The following SNTG1 variants were observed in gnomAD, a reference collection of about 807,000 sequenced individuals.
The protein encoded by SNTG1 is syntrophin gamma 1, also known as gamma-1-syntrophin.
In SNTG1, 39 loss-of-function variants were observed where a neutral mutation model predicts 74.7. The ratio of observed to expected loss-of-function variants is 0.52; its 90% CI spans 0.40 to 0.68. SNTG1 has a LOEUF of 0.68. Ranked by LOEUF, SNTG1 falls within the 30% of genes least tolerant of loss-of-function variation. The pLI is 0.00. For synonymous variants in SNTG1, 254 were observed against 217.1 expected (o/e 1.17, Z -1.49); for missense variants, 685 against 609.5 (o/e 1.12, Z -1.30).
At chr8:50,391,442 GC>G (rs2092658558) in intron 2 of SNTG1, among the ~76,000 whole-genome samples, 1 of 152,152 alleles carries the variant, frequency 6.6e-6, no homozygotes, top group Non-Finnish European at 1.5e-5. Context: ...TGGTGGATAA[GC>G]TTTTCGATGT....
At chr8:50,096,430 C>T (rs902755840) in intron 1 of SNTG1, among the ~76,000 whole-genome samples, 19 of 152,012 alleles carry the variant, frequency 1.2e-4, no homozygotes, top group Non-Finnish European at 2.4e-4. Flanking sequence ...GTGAAGGAGG[C>T]GATGGGGAAT....
At chr8:50,155,804 TA>T (rs1475573854) in intron 1 of SNTG1, among the ~76,000 whole-genome samples, 1 of 151,640 alleles carries the variant, frequency 6.6e-6, no homozygotes, top group Non-Finnish European at 1.5e-5. Context: ...AAACAAATAA[TA>T]AAGGTAACAG....
At chr8:50,556,571 A>AT (rs2094456642) in intron 12 of SNTG1, among the ~76,000 whole-genome samples, 2 of 152,206 alleles carry the variant, frequency 1.3e-5, no homozygotes, top group African/African-American at 4.8e-5. Flanking sequence ...AAAGTTATCA[A>AT]TTTTTATTTC....
At chr8:50,221,379 G>C (rs558706875) in intron 2 of SNTG1, among the ~76,000 whole-genome samples, 1 of 151,670 alleles carries the variant, frequency 6.6e-6, no homozygotes, top group African/African-American at 2.4e-5. Flanking sequence ...CACAAGGGAG[G>C]GTTCAACAAA....
chr8:50,083,417 C>T (rs1463003790), intron 1 of SNTG1, among the ~76,000 whole-genome samples: 1 of 151,954 alleles, frequency 6.6e-6, no homozygotes, highest in African/African-American at 2.4e-5. Flanking sequence ...AATTTTGCAC[C>T]CATAAATTAT....
At chr8:50,660,401 G>A (rs1254840081) in intron 15 of SNTG1, among the ~76,000 whole-genome samples, 1 of 29,462 alleles carries the variant, frequency 3.4e-5, no homozygotes, top group Non-Finnish European at 6.4e-5. Flanking sequence ...AAGAAAAAGA[G>A]AAAGAAAGAA....
intron 1 of SNTG1, among the ~76,000 whole-genome samples, chr8:50,032,996 T>C (rs1386541922): frequency 6.6e-6 from 1 of 152,094 alleles, no homozygotes; most frequent in Admixed American, 6.5e-5. Flanking sequence ...TTGGACCTCA[T>C]TTTCCTCTTT....
At chr8:50,753,446 G>A (rs12678416) in intron 18 of SNTG1, among the ~76,000 whole-genome samples, 14,613 of 151,870 alleles carry the variant, frequency 0.096, 2,072 homozygotes, top group African/African-American at 0.31. Context: ...TTCTGATGGG[G>A]AACCTCAACC....
chr8:50,333,494 C>A (rs188941851), intron 2 of SNTG1, among the ~76,000 whole-genome samples: 2 of 152,312 alleles, frequency 1.3e-5, no homozygotes, highest in East Asian at 3.9e-4. Context: ...TATAATACTT[C>A]AGCTTCTCCT....
Position 50,381,618 on chromosome 8 carries a change from T to TTA in SNTG1, c.-27-12582_-27-12581dup, listed in dbSNP as rs1331301961. ...TATATATATATATATCTCCTATTAGTTATATATATATATCCTATTAGTTAT... is the reference window on the plus strand; with the variant it reads ...TATATATATATATATCTCCTATTAGTTATATATATATATATCCTATTAGTTAT... On this transcript the variant is annotated intron_variant, in intron 2 of 18. Transcript: ENST00000642720. Among the ~76,000 whole-genome samples the TTA allele has an allele frequency of 5.9e-4, 78 of 132,332 alleles. 1 individual carries two copies. Among genetic ancestry groups the TTA allele is most frequent in the African/African-American group, 2.0e-3 (73 of 36,256 alleles). The allele number at this position is 132,332 out of a possible 152,430, so 86.8% of individuals were successfully genotyped here.
chr8:50,347,785 G>C (rs1314608560), intron 2 of SNTG1, among the ~76,000 whole-genome samples: 1 of 152,196 alleles, frequency 6.6e-6, no homozygotes, highest in Non-Finnish European at 1.5e-5. Context: ...ATGACGTTAT[G>C]AGTCTTTCAA....
chr8:50,158,005 G>A (rs2082304913), intron 1 of SNTG1, among the ~76,000 whole-genome samples: 1 of 152,070 alleles, frequency 6.6e-6, no homozygotes, highest in Non-Finnish European at 1.5e-5. Context: ...TATGTCAACT[G>A]TCCTGGCAAA....
chr8:50,784,545 T>C (rs2095669264), intron 18 of SNTG1, among the ~76,000 whole-genome samples: 1 of 152,044 alleles, frequency 6.6e-6, no homozygotes, highest in Non-Finnish European at 1.5e-5. Context: ...ATGGAACAAA[T>C]GAGGCGAAAT....
chr8:50,317,216 G>A (rs780418936), intron 2 of SNTG1, among the ~76,000 whole-genome samples: 3 of 152,118 alleles, frequency 2.0e-5, no homozygotes, highest in Non-Finnish European at 4.4e-5. Context: ...GTCTCTACTA[G>A]TATTAGCAAA....
intron 1 of SNTG1, among the ~76,000 whole-genome samples, chr8:50,026,108 T>G (rs1817241032): frequency 6.6e-6 from 1 of 152,218 alleles, no homozygotes; most frequent in South Asian, 2.1e-4. Context: ...TATAAAGATT[T>G]TCTTTGATCA....
rs555443699 is a variant in SNTG1 at position 50,737,959 on chromosome 8, A to T, written c.1285-14042A>T. Among the ~76,000 whole-genome samples, 334 of 152,286 alleles carry T rather than the reference A, an allele frequency of 2.2e-3. 2 individuals are homozygous for T. Among genetic ancestry groups the T allele is most frequent in the African/African-American group, 7.4e-3 (306 of 41,558 alleles). ...AAACCCACAGCCAATATCATACTGA[A>T]TGGGCAAAAGTGGGAAGCATTCCCT... is the stretch of plus-strand genomic sequence containing the variant. On this transcript the variant is annotated intron_variant, in intron 17 of 18. Coordinates refer to ENST00000642720, the MANE Select transcript of SNTG1 (RefSeq NM_018967.5).
intron 2 of SNTG1, among the ~76,000 whole-genome samples, chr8:50,350,290 G>T (rs1336677405): frequency 6.6e-6 from 1 of 152,128 alleles, no homozygotes; most frequent in African/African-American, 2.4e-5. Context: ...ACCACCCAAG[G>T]GCTGAGGAGT....
chr8:50,277,358 T>G (rs773975847), intron 2 of SNTG1, among the ~76,000 whole-genome samples: 18 of 152,142 alleles, frequency 1.2e-4, no homozygotes, highest in Non-Finnish European at 2.6e-4. Context: ...TAATTATGGT[T>G]TAATATTCTT....
rs1037817469 is a variant in SNTG1 at position 50,122,702 on chromosome 8, G to T, written c.-102-49859G>T. 7.1e-5 allele frequency among the ~76,000 whole-genome samples: 10 copies of T among 141,470 alleles called. 2 individuals carry two copies. The highest frequency in any genetic ancestry group is 1.4e-4 in the Non-Finnish European group (9 of 63,668). The allele number at this position is 141,470 out of a possible 152,430, so 92.8% of individuals were successfully genotyped here. A position where few individuals can be genotyped will look rare whatever the true frequency, so the allele number is the denominator to read the frequency against. ...AATAGAGGCAGGAGGATAGTAATGG[G>T]GACAAGAGGATGCATTTAAAATAAC... On this transcript the variant is annotated intron_variant, in intron 1 of 18. Transcript: ENST00000642720.
Sources: allele counts gnomAD v4.1 joint callset (sites outside exome capture counted in the v4.1 genomes callset), GRCh38; gene constraint gnomAD v4.1.1; transcripts MANE v1.5; gene names NCBI Gene and HGNC (gene_info 2026-07-23, HGNC 2026-07-21).